The following DAG1 variants were observed in gnomAD, a reference collection of about 807,000 sequenced individuals.
DAG1 encodes dystroglycan 1, also known as dystroglycan 1 (dystrophin-associated glycoprotein 1).
Under a neutral mutation model 46.1 loss-of-function variants are expected in DAG1, and 8 were observed. The observed-to-expected ratio is 0.17, with a 90% CI of 0.10 to 0.31. The LOEUF is 0.31. Among genes scored for constraint, DAG1 ranks in the 10% least tolerant of loss-of-function variants. DAG1 has a pLI of 1.00. For missense variants in DAG1, 1,003 were observed against 1,189.9 expected, an observed-to-expected ratio of 0.84 and a Z score of 2.31; for synonymous variants, 495 against 481.8, an observed-to-expected ratio of 1.03 and a Z score of -0.36.
intron 1 of DAG1, among the ~76,000 whole-genome samples, chr3:49,470,776 A>G (rs1310549691): frequency 1.3e-5 from 2 of 152,176 alleles, no homozygotes; most frequent in Admixed American, 6.5e-5. Context: ...CTGGCTTCCA[A>G]TAGGGGTTGT....
rs80020442 is a variant in DAG1 at position 49,487,566 on chromosome 3, C to A, written c.-117+17133C>A. Among the ~76,000 whole-genome samples the A allele has an allele frequency of 2.7e-3, 418 of 152,236 alleles. 3 individuals carry two copies. Among genetic ancestry groups the A allele is most frequent in the African/African-American group, 9.3e-3 (388 of 41,546 alleles). On this transcript the variant is annotated intron_variant, in intron 1 of 2. Coordinates refer to ENST00000308775, the MANE Select transcript of DAG1 (RefSeq NM_004393.6). ...ATCTGTGTTCTCACTACCCCTGAGC[C>A]CTGAGTTCTTCTGGGGTTGGCCCAG...
chr3:49,521,984 G>A (rs2051038696), intron 2 of DAG1, among the ~76,000 whole-genome samples: 1 of 151,922 alleles, frequency 6.6e-6, no homozygotes, highest in Non-Finnish European at 1.5e-5. Flanking sequence ...TAAGTAGCTG[G>A]GATTACAGGT....
At chr3:49,485,333 C>T (rs1368422727) in intron 1 of DAG1, among the ~76,000 whole-genome samples, 1 of 152,182 alleles carries the variant, frequency 6.6e-6, no homozygotes, top group East Asian at 1.9e-4. Context: ...TCTTGGCTCA[C>T]TGCAACCTTT....
chr3:49,504,267 C>CT (rs58084023), intron 1 of DAG1, among the ~76,000 whole-genome samples: 62,170 of 148,096 alleles, frequency 0.42, 14,447 homozygotes, highest in East Asian at 0.93. Context: ...TTGGGGTTGG[C>CT]TTTTTTTTTT....
intron 2 of DAG1, among the ~76,000 whole-genome samples, chr3:49,519,477 G>T (rs1200496852): frequency 2.0e-5 from 3 of 152,160 alleles, no homozygotes; most frequent in Non-Finnish European, 4.4e-5. Context: ...ACTCTCTTTG[G>T]CTAGGAAGGG....
At chr3:49,521,220 G>C (rs937903261) in intron 2 of DAG1, among the ~76,000 whole-genome samples, 4 of 151,968 alleles carry the variant, frequency 2.6e-5, no homozygotes, top group Admixed American at 2.6e-4. Context: ...CTGGAGTGCA[G>C]TGGCGCGATC....
rs1185268825 is a variant in DAG1 at position 49,535,157 on chromosome 3, CAG to C, written c.*1961_*1962del. On this transcript the variant is annotated 3_prime_UTR_variant, in exon 3 of 3. Transcript: ENST00000308775. ...GGTGACTGGGCTCATGCCTCCAAGTCAGAGTTTCCCTGGTGCCCCAGAGACAG... is the reference window on the plus strand; with the variant it reads ...GGTGACTGGGCTCATGCCTCCAAGTCAGTTTCCCTGGTGCCCCAGAGACAG... 2 of 152,378 alleles carry C rather than the reference CAG, an allele frequency of 1.3e-5. No homozygotes were observed. The highest frequency in any genetic ancestry group is 4.8e-5 in the African/African-American group (2 of 41,584). 9.4% of individuals were successfully genotyped at this position (152,378 alleles called of 1,614,324 possible). A position where few individuals can be genotyped will look rare whatever the true frequency, so the allele number is the denominator to read the frequency against.
chr3:49,492,080 C>G (rs1249559535), intron 1 of DAG1, among the ~76,000 whole-genome samples: 2 of 152,110 alleles, frequency 1.3e-5, no homozygotes, highest in Non-Finnish European at 2.9e-5. Flanking sequence ...GCATGGGCCA[C>G]CAAGCCCAGC....
At chr3:49,521,157 G>T (rs1478727135) in intron 2 of DAG1, among the ~76,000 whole-genome samples, 3 of 151,644 alleles carry the variant, frequency 2.0e-5, no homozygotes, top group Non-Finnish European at 4.4e-5. Context: ...TTGTTTTTTT[G>T]TTTGTTTTTG....
chr3:49,474,997 A>G (rs1368681035), intron 1 of DAG1, among the ~76,000 whole-genome samples: 2 of 150,834 alleles, frequency 1.3e-5, no homozygotes, highest in Non-Finnish European at 2.9e-5. Flanking sequence ...TATTTTTAGT[A>G]GAGACGGGGT....
intron 1 of DAG1, among the ~76,000 whole-genome samples, chr3:49,503,659 GTC>G (rs1235728676): frequency 6.6e-6 from 1 of 151,974 alleles, no homozygotes; most frequent in Non-Finnish European, 1.5e-5. Context: ...TGGTGACACT[GTC>G]TCTACAGGTA....
Position 49,470,967 on chromosome 3 carries a change from C to T in DAG1, c.-117+534C>T, listed in dbSNP as rs1286301963. 3.9e-5 allele frequency: 6 copies of T among 152,248 alleles called. No individual in the cohort carries two copies. The East Asian group carries it at 9.6e-4, about 24-fold the overall frequency. The allele number at this position is 152,248 out of a possible 1,614,324, so 9.4% of individuals were successfully genotyped here. ...CCTTTTCACTTTGTATTTGGCAGAC[C>T]TGGTTCACCTGCGAGTGTATTTGGA... On this transcript the variant is annotated intron_variant, in intron 1 of 2. Coordinates refer to ENST00000308775, the MANE Select transcript of DAG1 (RefSeq NM_004393.6).
rs116717961 is a variant in DAG1, at chr3:49,510,793, A to T, written c.259A>T (p.Ile87Phe). 6.2e-7 allele frequency: 1 copy of T among 1,613,958 alleles called. No homozygotes were observed. Among genetic ancestry groups the T allele is most frequent in the African/African-American group, 1.3e-5 (1 of 74,884 alleles). The change falls in exon 2 of 3, where the codon ATT becomes TTT. Residue 87 changes from isoleucine (I) to phenylalanine (F), a missense_variant. By Grantham distance (21) the Ile-to-Phe change is conservative. Coordinates refer to ENST00000308775, the MANE Select transcript of DAG1 (RefSeq NM_004393.6). ...SFRVTIPTDLIASSGDIIKVS... is the reference protein window; with the variant it reads ...SFRVTIPTDLFASSGDIIKVS... ...TCGAGTGACCATTCCAACAGATTTG[A>T]TTGCCTCCAGTGGAGATATCATCAA...
intron 1 of DAG1, among the ~76,000 whole-genome samples, chr3:49,475,766 C>T (rs921931948): frequency 6.8e-6 from 1 of 146,950 alleles, no homozygotes; most frequent in Non-Finnish European, 1.5e-5. Flanking sequence ...TGCAGTGGTG[C>T]GATCCTGGCT....
intron 1 of DAG1, among the ~76,000 whole-genome samples, chr3:49,509,901 A>G (rs1011743506): frequency 3.3e-5 from 5 of 151,816 alleles, no homozygotes; most frequent in Non-Finnish European, 7.4e-5. Context: ...GCTAATTTTC[A>G]TATTTTTAGT....
intron 1 of DAG1, among the ~76,000 whole-genome samples, chr3:49,501,991 ATATAGT>A (rs1490527613): frequency 6.6e-6 from 1 of 152,124 alleles, no homozygotes; most frequent in Non-Finnish European, 1.5e-5. Flanking sequence ...AGCCTGGGTA[ATATAGT>A]CTGTATCTCT....
At chr3:49,487,882 T>G (rs1368875707) in intron 1 of DAG1, among the ~76,000 whole-genome samples, 1 of 151,832 alleles carries the variant, frequency 6.6e-6, no homozygotes, top group African/African-American at 2.4e-5. Context: ...TTTTGTGTTT[T>G]TCATAGAGAC....
At position 49,478,802 on chromosome 3, in the gene DAG1, C is replaced by CTTTTTTTTTTTTTTTTTTT. The variant is rs201202889; in HGVS notation, c.-117+8379_-117+8397dup. On this transcript the variant is annotated intron_variant, in intron 1 of 2. Transcript: ENST00000308775. Reference sequence around the variant, plus strand: ...TGAAAAGTCTCTTGTCGTCCCCTCCCTTTTTTTTTTTTTTTTTTTTTTTTT... The same window carrying CTTTTTTTTTTTTTTTTTTT: ...TGAAAAGTCTCTTGTCGTCCCCTCCCTTTTTTTTTTTTTTTTTTTTTTTTTTTTTTTTTTTTTTTTTTTT... Among the ~76,000 whole-genome samples the CTTTTTTTTTTTTTTTTTTT allele has an allele frequency of 2.4e-4, 18 of 76,012 alleles. 2 individuals are homozygous for CTTTTTTTTTTTTTTTTTTT. Among genetic ancestry groups the CTTTTTTTTTTTTTTTTTTT allele is most frequent in the Admixed American group, 5.6e-4 (3 of 5,348 alleles). 49.9% of individuals were successfully genotyped at this position (76,012 alleles called of 152,430 possible).
chr3:49,491,883 T>C (rs2050197617), intron 1 of DAG1, among the ~76,000 whole-genome samples: 1 of 151,688 alleles, frequency 6.6e-6, no homozygotes, highest in Non-Finnish European at 1.5e-5. Flanking sequence ...CCTCCCAGAG[T>C]ACTGGGATTA....
Sources: allele counts gnomAD v4.1 joint callset (sites outside exome capture counted in the v4.1 genomes callset), GRCh38; gene constraint gnomAD v4.1.1; transcripts MANE v1.5; gene names NCBI Gene and HGNC (gene_info 2026-07-23, HGNC 2026-07-21).